Variants in AGGF1 observed in about 807,000 individuals in gnomAD.
The protein encoded by AGGF1 is angiogenic factor with G-patch and FHA domains 1.
A neutral mutation model predicts 86.5 loss-of-function variants in AGGF1; 56 were observed. The observed-to-expected ratio is 0.65, with a 90% CI of 0.52 to 0.81. AGGF1 has a LOEUF of 0.81. AGGF1 is among the 30% of genes least tolerant of loss of function. The pLI is 0.00. For synonymous variants in AGGF1, 313 were observed against 297.1 expected (o/e 1.05, Z -0.55); for missense variants, 816 against 850.9 (o/e 0.96, Z 0.51).
chr5:77,034,217 T>C (rs1319099258), intron 1 of AGGF1, among the ~76,000 whole-genome samples: 3 of 152,202 alleles, frequency 2.0e-5, no homozygotes, highest in Non-Finnish European at 4.4e-5. Flanking sequence ...GAGGAGATAT[T>C]TGGACATTTA....
chr5:77,036,511 A>G (rs1203511676), intron 3 of AGGF1, 45 bp from the exon 4 acceptor site: 8 of 1,598,042 alleles, frequency 5.0e-6, no homozygotes, highest in Non-Finnish European at 6.8e-6. Context: ...TTTAATTGAT[A>G]TACAGAAGCT....
intron 4 of AGGF1, 129 bp downstream of exon 4, chr5:77,036,849 T>G (rs900343277): frequency 1.0e-6 from 1 of 996,640 alleles, no homozygotes; most frequent in East Asian, 2.6e-5. Context: ...GTGATTCTTA[T>G]GTCTCAGCAT....
rs1747612331 is a variant in AGGF1 at position 77,063,756 on chromosome 5, C to T, written c.*504C>T. The T allele has an allele frequency of 6.2e-6, 1 of 162,444 alleles. No individual in the cohort carries two copies. Among genetic ancestry groups the T allele is most frequent in the Non-Finnish European group, 1.3e-5 (1 of 74,332 alleles). 10.1% of individuals were successfully genotyped at this position (162,444 alleles called of 1,614,324 possible). ...ATACATTTTGTTATCCTTGAAATAG[C>T]CTAAGTAATGTTATTGAAGAACTAA... On this transcript the variant is annotated 3_prime_UTR_variant, in exon 14 of 14. Transcript: ENST00000312916.
At chr5:77,050,218 C>G (rs1747345271) in intron 8 of AGGF1, among the ~76,000 whole-genome samples, 1 of 149,870 alleles carries the variant, frequency 6.7e-6, no homozygotes, top group Non-Finnish European at 1.5e-5. Context: ...TAATCTGTAA[C>G]TTAAATAGCA....
At chr5:77,032,764 T>G (rs2150726124) in intron 1 of AGGF1, among the ~76,000 whole-genome samples, 1 of 152,286 alleles carries the variant, frequency 6.6e-6, no homozygotes, top group East Asian at 1.9e-4. Context: ...TAAATCAGAC[T>G]AAATGATGGG....
In AGGF1 at chr5:77,046,646, C is replaced by T. The variant is rs878939844; in HGVS notation, c.1170C>T (p.Gly390=). The part of the protein sequence containing the change: ...DSYDEAITSE[G]NVTAEDSEDE... ...ATGACGAAGCCATTACCAGTGAAGG[C>T]AATGTAACTGCAGAAGATAGTGAGG... is the stretch of plus-strand genomic sequence containing the variant. The change falls in exon 6 of 14, where the codon GGC becomes GGT. Residue 390 remains glycine, a synonymous_variant. Transcript: ENST00000312916. 1 of 1,613,876 alleles carries T rather than the reference C, an allele frequency of 6.2e-7. No individual in the cohort carries two copies. Among genetic ancestry groups the T allele is most frequent in the Non-Finnish European group, 8.5e-7 (1 of 1,179,918 alleles).
intron 1 of AGGF1, among the ~76,000 whole-genome samples, chr5:77,032,845 A>G (rs1284814426): frequency 2.0e-5 from 3 of 152,194 alleles, no homozygotes; most frequent in Non-Finnish European, 4.4e-5. Context: ...GAGGTCAGCA[A>G]TTCTCCCTAA....
chr5:77,046,730 G>C, intron 6 of AGGF1, 53 bp downstream of exon 6: 1 of 1,498,572 alleles, frequency 6.7e-7, no homozygotes, highest in African/African-American at 1.4e-5. Flanking sequence ...AACTATAAAA[G>C]AGCAAAACCA....
chr5:77,031,928 G>T (rs1432752996), intron 1 of AGGF1, among the ~76,000 whole-genome samples: 1 of 151,946 alleles, frequency 6.6e-6, no homozygotes, highest in Admixed American at 6.6e-5. Flanking sequence ...AAAACCAAGA[G>T]CATAGTATTT....
chr5:77,061,444 C>T (rs539071283), intron 12 of AGGF1, among the ~76,000 whole-genome samples: 1 of 152,248 alleles, frequency 6.6e-6, no homozygotes, highest in South Asian at 2.1e-4. Flanking sequence ...TTAATCATTG[C>T]CAGACATCTG....
intron 3 of AGGF1, among the ~76,000 whole-genome samples, chr5:77,036,211 A>AT (rs1746964957): frequency 6.6e-6 from 1 of 151,886 alleles, no homozygotes; most frequent in South Asian, 2.1e-4. Context: ...TCTTTTTGAA[A>AT]TTTTTTTTCC....
rs1746814507 is a variant in AGGF1, at chr5:77,030,421, A to G, written c.-346A>G. Reference sequence around the variant, plus strand: ...CCGCTGGCGCCGTTGTTTCCGGCTCAACTGGGGAGCTGCTGGAGCTCTTCT... The same window carrying G: ...CCGCTGGCGCCGTTGTTTCCGGCTCGACTGGGGAGCTGCTGGAGCTCTTCT... On this transcript the variant is annotated 5_prime_UTR_variant, in exon 1 of 14. Coordinates refer to ENST00000312916, the MANE Select transcript of AGGF1 (RefSeq NM_018046.5). 1 of 508,270 alleles carries G rather than the reference A, an allele frequency of 2.0e-6. No individual in the cohort carries two copies. The highest frequency in any genetic ancestry group is 1.9e-5 in the African/African-American group (1 of 52,010). The allele number at this position is 508,270 out of a possible 1,614,324, so 31.5% of individuals were successfully genotyped here.
In AGGF1 at chr5:77,030,798, C is replaced by T. The variant is rs758536255; in HGVS notation, c.32C>T (p.Ser11Leu). 6.9e-6 allele frequency: 11 copies of T among 1,594,172 alleles called. No homozygotes were observed. In the East Asian group the frequency reaches 2.0e-4, roughly 30 times the overall value. The change falls in exon 1 of 14, where the codon TCG (serine) becomes TTG (leucine). Residue 11 changes from serine (S) to leucine (L), a missense_variant. Transcript: ENST00000312916. Reference protein sequence around the residue: MASEAPSPPRSPPPPTSPEPE... With the variant: MASEAPSPPRLPPPPTSPEPE... ...TCGGAGGCGCCGTCCCCGCCGCGGT[C>T]GCCGCCGCCGCCCACCTCCCCCGAG... is the stretch of plus-strand genomic sequence containing the variant.
At chr5:77,057,269 C>G (rs962381530) in intron 11 of AGGF1, among the ~76,000 whole-genome samples, 24 of 152,070 alleles carry the variant, frequency 1.6e-4, no homozygotes, top group Admixed American at 2.0e-4. Context: ...GTAAATGCAA[C>G]CATATGTGCA....
rs776049702 is a variant in AGGF1 at position 77,054,104 on chromosome 5, G to T, written c.1607G>T (p.Arg536Leu). The T allele has an allele frequency of 1.9e-6, 3 of 1,613,956 alleles. No individual in the cohort carries two copies. Among genetic ancestry groups the T allele is most frequent in the Non-Finnish European group, 2.5e-6 (3 of 1,180,020 alleles). The change falls in exon 10 of 14, where the codon CGC becomes CTC. Residue 536 changes from arginine (R) to leucine (L), a missense_variant. Arg to Leu is a moderately radical substitution (Grantham distance 102). Transcript: ENST00000312916. ...CCAGGGCAGGTTAGAGCCCACCTTC[G>T]CCTTGATAAGAAAGATGAATCTTTT... ...CEPGQVRAHL[R>L]LDKKDESFVG...
In AGGF1 at chr5:77,030,704, C is replaced by T; in HGVS notation, c.-63C>T. 2 of 1,517,380 alleles carry T rather than the reference C, an allele frequency of 1.3e-6. No individual in the cohort carries two copies. Among genetic ancestry groups the T allele is most frequent in the Non-Finnish European group, 1.8e-6 (2 of 1,132,216 alleles). 94.0% of individuals were successfully genotyped at this position (1,517,380 alleles called of 1,614,324 possible). A position where few individuals can be genotyped will look rare whatever the true frequency, so the allele number is the denominator to read the frequency against. On this transcript the variant is annotated 5_prime_UTR_variant, in exon 1 of 14. Transcript: ENST00000312916. ...GCGCTCCAGTGGTCTCTGGGTCCGCCGGCGTCCGTTTCGGCCTGAACGCAG... is the reference window on the plus strand; with the variant it reads ...GCGCTCCAGTGGTCTCTGGGTCCGCTGGCGTCCGTTTCGGCCTGAACGCAG...
intron 6 of AGGF1, among the ~76,000 whole-genome samples, chr5:77,047,237 C>G (rs988708718): frequency 6.6e-6 from 1 of 152,148 alleles, no homozygotes; most frequent in East Asian, 1.9e-4. Context: ...CTGTACTGAA[C>G]ATGTACACAC....
At chr5:77,060,149 G>A (rs944590485) in intron 12 of AGGF1, among the ~76,000 whole-genome samples, 8 of 152,106 alleles carry the variant, frequency 5.3e-5, no homozygotes, top group African/African-American at 1.9e-4. Context: ...GCCAATAAGT[G>A]GCCTTAAAAT....
rs150778056 is a variant in AGGF1 at position 77,045,703 on chromosome 5, T to C, written c.871-644T>C. On this transcript the variant is annotated intron_variant, in intron 5 of 13. Coordinates refer to ENST00000312916, the MANE Select transcript of AGGF1 (RefSeq NM_018046.5). ...TAAAGCTAATTCTGTATTTTATTTGTGTTGACTAGCTAATTGATTACCAGT... is the reference window on the plus strand; with the variant it reads ...TAAAGCTAATTCTGTATTTTATTTGCGTTGACTAGCTAATTGATTACCAGT... Among the ~76,000 whole-genome samples, 211 of 152,356 alleles carry C rather than the reference T, an allele frequency of 1.4e-3. 1 individual carries two copies. The highest frequency in any genetic ancestry group is 5.0e-3 in the African/African-American group (206 of 41,602).
Sources: gnomAD v4.1 joint callset for allele counts (sites outside exome capture counted in the v4.1 genomes callset) on GRCh38, gnomAD v4.1.1 for gene constraint, MANE v1.5 for transcripts, NCBI Gene and HGNC (gene_info 2026-07-23, HGNC 2026-07-21) for gene names.